SLC24A2: variants seen among roughly 807,000 people sequenced by gnomAD.
SLC24A2 encodes solute carrier family 24 member 2.
SLC24A2 carries 36 observed loss-of-function variants against 62.0 expected under a neutral mutation model. The ratio of observed to expected loss-of-function variants is 0.58; its 90% CI spans 0.44 to 0.77. SLC24A2 has a LOEUF of 0.77. Ranked by LOEUF, SLC24A2 falls within the 30% of genes least tolerant of loss-of-function variation. The pLI, the probability that SLC24A2 is intolerant of heterozygous loss-of-function variation, is 0.00. For missense variants in SLC24A2, 846 were observed against 817.9 expected, an observed-to-expected ratio of 1.03 and a Z score of -0.42; for synonymous variants, 358 against 294.0, an observed-to-expected ratio of 1.22 and a Z score of -2.23.
chr9:20,203,773 A>G, the SLC24A2 span, among the ~76,000 whole-genome samples: 2 of 152,190 alleles, frequency 1.3e-5, no homozygotes, highest in South Asian at 4.1e-4. Context: ...ACTGGAAGAA[A>G]AAATACATCC....
the SLC24A2 span, among the ~76,000 whole-genome samples, chr9:19,886,855 T>C: frequency 6.6e-6 from 1 of 152,202 alleles, no homozygotes; most frequent in African/African-American, 2.4e-5. Flanking sequence ...ATATACACCA[T>C]GGAATACTAT....
chr9:20,107,465 C>G, the SLC24A2 span, among the ~76,000 whole-genome samples: 1 of 152,246 alleles, frequency 6.6e-6, no homozygotes, highest in Middle Eastern at 3.4e-3. Flanking sequence ...CTACAGTCAC[C>G]AAAACAGCAT....
At chr9:20,231,192 G>C in the SLC24A2 span, among the ~76,000 whole-genome samples, 35 of 152,198 alleles carry the variant, frequency 2.3e-4, no homozygotes, top group Admixed American at 9.8e-4. Flanking sequence ...TGTTCTTTTG[G>C]CTTAAGATTG....
At chr9:20,298,189 C>G in the SLC24A2 span, among the ~76,000 whole-genome samples, 6 of 152,268 alleles carry the variant, frequency 3.9e-5, 1 homozygote, top group South Asian at 1.2e-3. Flanking sequence ...TTATTATGTC[C>G]ATTGTGAGTG....
chr9:19,955,520 G>A, the SLC24A2 span, among the ~76,000 whole-genome samples: 1 of 152,072 alleles, frequency 6.6e-6, no homozygotes, highest in Admixed American at 6.5e-5. Flanking sequence ...CTATGGAAAG[G>A]TCAGCTACTT....
the SLC24A2 span, among the ~76,000 whole-genome samples, chr9:19,990,051 A>G: frequency 6.6e-6 from 1 of 152,222 alleles, no homozygotes; most frequent in Non-Finnish European, 1.5e-5. Flanking sequence ...AGAGTTATGT[A>G]TAAGACTAAA....
At chr9:19,928,982 G>C in the SLC24A2 span, 1 of 152,146 alleles carries the variant, frequency 6.6e-6, no homozygotes, top group Non-Finnish European at 1.5e-5. Flanking sequence ...CCCTTCCCTA[G>C]CTGACTGAGG....
At chr9:19,694,311 T>G (rs1820124659) in intron 2 of SLC24A2, among the ~76,000 whole-genome samples, 1 of 152,194 alleles carries the variant, frequency 6.6e-6, no homozygotes, top group Admixed American at 6.5e-5. Context: ...AGGAAAGTCC[T>G]AAATCAAGGT....
At chr9:19,577,897 C>G (rs1288246814) in intron 5 of SLC24A2, among the ~76,000 whole-genome samples, 1 of 150,152 alleles carries the variant, frequency 6.7e-6, no homozygotes, top group Non-Finnish European at 1.5e-5. Context: ...TGATGGAATA[C>G]TATGCAGCCA....
the SLC24A2 span, among the ~76,000 whole-genome samples, chr9:19,979,439 TA>T: frequency 5.9e-5 from 9 of 152,338 alleles, no homozygotes; most frequent in Non-Finnish European, 8.8e-5. Flanking sequence ...TGGATACGCT[TA>T]TGGGTGCACA....
chr9:19,674,711 T>C (rs1325743463), intron 2 of SLC24A2, among the ~76,000 whole-genome samples: 1 of 152,202 alleles, frequency 6.6e-6, no homozygotes, highest in Non-Finnish European at 1.5e-5. Context: ...TTCCAGAAGT[T>C]ATGATTTTTA....
the SLC24A2 span, among the ~76,000 whole-genome samples, chr9:19,970,578 T>C: frequency 3.3e-5 from 5 of 152,198 alleles, no homozygotes; most frequent in African/African-American, 1.2e-4. Context: ...CTCTAATAAG[T>C]AGCAATTTTA....
At chr9:19,620,009 G>T (rs1817871080) in intron 3 of SLC24A2, among the ~76,000 whole-genome samples, 1 of 152,088 alleles carries the variant, frequency 6.6e-6, no homozygotes, top group South Asian at 2.1e-4. Context: ...ATTTATTCTT[G>T]TTAGATAGAT....
the SLC24A2 span, among the ~76,000 whole-genome samples, chr9:20,051,753 T>C: frequency 6.7e-6 from 1 of 149,196 alleles, no homozygotes; most frequent in East Asian, 2.0e-4. Flanking sequence ...TTTTCTGAAA[T>C]GTATGGTGCT....
In SLC24A2 at chr9:19,516,034, A is replaced by T. The variant is rs964866709; in HGVS notation, c.*119T>A. 1 of 1,252,544 alleles carries T rather than the reference A, an allele frequency of 8.0e-7. No individual in the cohort carries two copies. The highest frequency in any genetic ancestry group is 1.2e-6 in the Non-Finnish European group (1 of 853,746). 77.6% of individuals were successfully genotyped at this position (1,252,544 alleles called of 1,614,324 possible). ...CCATCTCTCCTCAAATTCACCAAGG[A>T]GGGACACTTGGCACCCAGGGCTGTG... On this transcript the variant is annotated 3_prime_UTR_variant, in exon 11 of 11. Transcript: ENST00000341998.
At chr9:19,604,630 A>G (rs951316952) in intron 4 of SLC24A2, among the ~76,000 whole-genome samples, 1 of 152,170 alleles carries the variant, frequency 6.6e-6, no homozygotes, top group Non-Finnish European at 1.5e-5. Context: ...AAACCAGTAA[A>G]ATGAAAAACA....
the SLC24A2 span, among the ~76,000 whole-genome samples, chr9:20,275,311 C>A: frequency 6.6e-6 from 1 of 152,156 alleles, no homozygotes; most frequent in Non-Finnish European, 1.5e-5. Flanking sequence ...CACACTAATG[C>A]CAGAGCACTT....
At chr9:19,907,239 C>T in the SLC24A2 span, among the ~76,000 whole-genome samples, 1 of 152,170 alleles carries the variant, frequency 6.6e-6, no homozygotes, top group Non-Finnish European at 1.5e-5. Context: ...ATGATTATCT[C>T]AATAGATGTA....
the SLC24A2 span, among the ~76,000 whole-genome samples, chr9:20,279,390 G>T: frequency 6.6e-6 from 1 of 152,094 alleles, no homozygotes; most frequent in Non-Finnish European, 1.5e-5. Flanking sequence ...AATTAGCTGG[G>T]CATGGTGGCG....
Sources: allele counts gnomAD v4.1 joint callset (sites outside exome capture counted in the v4.1 genomes callset), GRCh38; gene constraint gnomAD v4.1.1; transcripts MANE v1.5; gene names NCBI Gene and HGNC (gene_info 2026-07-23, HGNC 2026-07-21).